TENM2: variants seen among roughly 807,000 people sequenced by gnomAD.
The protein encoded by TENM2 is teneurin-2.
Under a neutral mutation model 245.2 loss-of-function variants are expected in TENM2, and 52 were observed. That is an observed-to-expected ratio of 0.21 (90% CI 0.17 to 0.27). The LOEUF (loss-of-function observed/expected upper bound fraction) is 0.27, where lower values mean the gene tolerates loss of function less well. Among genes scored for constraint, TENM2 ranks in the 10% least tolerant of loss-of-function variants. The pLI is 1.00. For synonymous variants in TENM2, 1,363 were observed against 1,438.9 expected, an observed-to-expected ratio of 0.95 and a Z score of 1.19; for missense variants, 3,046 against 3,666.8, an observed-to-expected ratio of 0.83 and a Z score of 4.37.
At chr5:167,853,717 C>G (rs190720794) in intron 2 of TENM2, among the ~76,000 whole-genome samples, 1 of 152,292 alleles carries the variant, frequency 6.6e-6, no homozygotes, top group East Asian at 1.9e-4. Context: ...CAATTTCATT[C>G]CATAGACTAT....
intron 2 of TENM2, among the ~76,000 whole-genome samples, chr5:167,445,336 T>TATATATATATATATAGAGAGAGAG (rs368881390): frequency 1.3e-4 from 10 of 77,304 alleles, no homozygotes; most frequent in African/African-American, 5.5e-4. Flanking sequence ...TATATATATA[T>TATATATATATATATAGAGAGAGAG]AGAGAGAGAG....
intron 3 of TENM2, among the ~76,000 whole-genome samples, chr5:167,937,272 CA>C (rs1370097588): frequency 6.6e-6 from 1 of 152,208 alleles, no homozygotes; most frequent in Non-Finnish European, 1.5e-5. Context: ...TTTATTCAGT[CA>C]CTTGCAGGAC....
chr5:167,109,188 G>A, the TENM2 span, among the ~76,000 whole-genome samples: 1 of 151,428 alleles, frequency 6.6e-6, no homozygotes, highest in African/African-American at 2.4e-5. Context: ...GTTTAATACA[G>A]CTAGACCTTA....
At chr5:167,225,725 T>C in the TENM2 span, among the ~76,000 whole-genome samples, 2 of 152,050 alleles carry the variant, frequency 1.3e-5, no homozygotes, top group Non-Finnish European at 2.9e-5. Flanking sequence ...TTTTGAATAG[T>C]TTGAGAAGGA....
the TENM2 span, among the ~76,000 whole-genome samples, chr5:167,128,426 C>A: frequency 6.6e-6 from 1 of 151,990 alleles, no homozygotes; most frequent in African/African-American, 2.4e-5. Context: ...AAAACTCAGA[C>A]GGCTGATTCA....
the TENM2 span, among the ~76,000 whole-genome samples, chr5:167,211,675 T>C: frequency 6.6e-6 from 1 of 152,158 alleles, no homozygotes; most frequent in Non-Finnish European, 1.5e-5. Flanking sequence ...TTCCCCTATA[T>C]TTAGTAGCTT....
the TENM2 span, among the ~76,000 whole-genome samples, chr5:167,178,873 A>G: frequency 1.3e-5 from 2 of 152,186 alleles, no homozygotes; most frequent in African/African-American, 2.4e-5. Context: ...CTCATGTTCT[A>G]TTGAATTATC....
the TENM2 span, among the ~76,000 whole-genome samples, chr5:167,048,629 C>T: frequency 1.1e-3 from 174 of 152,258 alleles, 1 homozygote; most frequent in African/African-American, 4.0e-3. Context: ...GTTCTGATTT[C>T]ATTAAATCAG....
At chr5:167,151,725 G>A in the TENM2 span, among the ~76,000 whole-genome samples, 1 of 152,070 alleles carries the variant, frequency 6.6e-6, no homozygotes, top group South Asian at 2.1e-4. Flanking sequence ...CACCATGTTG[G>A]CCACGACGGT....
At chr5:166,996,489 C>T in the TENM2 span, among the ~76,000 whole-genome samples, 12 of 152,226 alleles carry the variant, frequency 7.9e-5, no homozygotes, top group Non-Finnish European at 1.3e-4. Flanking sequence ...TATTCCACTA[C>T]AACAGCAGTG....
chr5:168,143,015 AGTTAG>A (rs1470085252), intron 12 of TENM2, among the ~76,000 whole-genome samples: 1 of 152,250 alleles, frequency 6.6e-6, no homozygotes, highest in Non-Finnish European at 1.5e-5. Context: ...ATCCACTGTA[AGTTAG>A]CTTCAAAAAT....
At chr5:168,121,508 G>T (rs1581372772) in intron 10 of TENM2, among the ~76,000 whole-genome samples, 1 of 152,320 alleles carries the variant, frequency 6.6e-6, no homozygotes, top group Non-Finnish European at 1.5e-5. Flanking sequence ...ACCAGAGAAA[G>T]GGTTAGCTCA....
At chr5:167,129,296 C>A in the TENM2 span, among the ~76,000 whole-genome samples, 1 of 152,148 alleles carries the variant, frequency 6.6e-6, no homozygotes, top group African/African-American at 2.4e-5. Context: ...TCCCGGCTTG[C>A]CACTCCTTTC....
At chr5:167,826,958 A>C (rs1768017550) in intron 2 of TENM2, among the ~76,000 whole-genome samples, 1 of 152,236 alleles carries the variant, frequency 6.6e-6, no homozygotes, top group Non-Finnish European at 1.5e-5. Flanking sequence ...AAATGATTTC[A>C]GGTTAAATGG....
chr5:167,584,747 T>G (rs1025096047), intron 2 of TENM2, among the ~76,000 whole-genome samples: 6 of 150,844 alleles, frequency 4.0e-5, no homozygotes, highest in Non-Finnish European at 7.4e-5. Flanking sequence ...CAGGCTGGAG[T>G]GCAGTGGCAC....
chr5:168,248,775 T>C lies in TENM2; in HGVS notation c.7432+404T>C, dbSNP rs11950961. On this transcript the variant is annotated intron_variant, in intron 27 of 28. Coordinates refer to ENST00000518659, the Ensembl canonical transcript of TENM2. ...CTCTCTGAACTATAGTTTCCTTCCC[T>C]GTGAAGGGCACTGATAAAACCATCC... Among the ~76,000 whole-genome samples, 960 of 152,316 alleles carry C rather than the reference T, an allele frequency of 6.3e-3. 9 individuals carry two copies. The highest frequency in any genetic ancestry group is 0.02 in the African/African-American group (815 of 41,560).
chr5:167,322,910 C>T (rs879722307), intron 1 of TENM2, among the ~76,000 whole-genome samples: 1 of 152,194 alleles, frequency 6.6e-6, no homozygotes, highest in Admixed American at 6.5e-5. Flanking sequence ...CTAAGCATCT[C>T]ATAAATAGCG....
chr5:168,227,997 C>T (rs748948614), exon 25 of TENM2: 9 of 1,613,568 alleles, frequency 5.6e-6, no homozygotes, highest in East Asian at 2.2e-5. Flanking sequence ...CATGTCCTAG[C>T]GGGCACCATC....
intron 3 of TENM2, among the ~76,000 whole-genome samples, chr5:167,891,096 G>T (rs570998398): frequency 6.6e-6 from 1 of 151,916 alleles, no homozygotes; most frequent in Non-Finnish European, 1.5e-5. Flanking sequence ...GTAGGACTTG[G>T]TCTACCTATT....
Sources: allele counts gnomAD v4.1 joint callset (sites outside exome capture counted in the v4.1 genomes callset), GRCh38; gene constraint gnomAD v4.1.1; transcripts MANE v1.5; gene names NCBI Gene and HGNC (gene_info 2026-07-23, HGNC 2026-07-21).